The following MAST4 variants were observed in gnomAD, a reference collection of about 807,000 sequenced individuals.
MAST4 encodes the protein microtubule associated serine/threonine kinase family member 4.
In MAST4, 89 loss-of-function variants were observed where a neutral mutation model predicts 162.7. That is an observed-to-expected ratio of 0.55 (90% CI 0.46 to 0.65). The LOEUF (loss-of-function observed/expected upper bound fraction) is 0.65, where lower values mean the gene tolerates loss of function less well. MAST4 is among the 30% of genes least tolerant of loss of function. The pLI is 0.00. For missense variants in MAST4, 3,153 were observed against 3,374.0 expected (o/e 0.93, Z 1.62); for synonymous variants, 1,479 against 1,361.1 (o/e 1.09, Z -1.91).
At chr5:66,657,010 C>T (rs183576087) in intron 1 of MAST4, among the ~76,000 whole-genome samples, 1 of 152,276 alleles carries the variant, frequency 6.6e-6, no homozygotes, top group East Asian at 1.9e-4. Context: ...TCTCTCTCTC[C>T]TTTATCTATT....
chr5:66,818,816 T>G (rs1006712903), intron 3 of MAST4, among the ~76,000 whole-genome samples: 6 of 152,342 alleles, frequency 3.9e-5, no homozygotes, highest in South Asian at 2.1e-4. Context: ...ATACAAAGCC[T>G]GAATTCTCTT....
intron 3 of MAST4, among the ~76,000 whole-genome samples, chr5:66,829,985 G>A (rs1262548110): frequency 1.3e-5 from 2 of 152,136 alleles, no homozygotes; most frequent in African/African-American, 2.4e-5. Flanking sequence ...TGTGGTCATT[G>A]TTTTTGAATG....
At position 67,168,693 on chromosome 5, in the gene MAST4, T is replaced by C. The variant is rs1774308957; in HGVS notation, c.*1642T>C. ...AAAAAAATTACCAATAAATAACTGA[T>C]CTAGCACCCAAACTCTCTTGGGGGA... On this transcript the variant is annotated 3_prime_UTR_variant, in exon 29 of 29. Transcript: ENST00000403625. 1 of 152,176 alleles carries C rather than the reference T, an allele frequency of 6.6e-6. No individual in the cohort carries two copies. Among genetic ancestry groups the C allele is most frequent in the Non-Finnish European group, 1.5e-5 (1 of 68,032 alleles). 9.4% of individuals were successfully genotyped at this position (152,176 alleles called of 1,614,324 possible).
intron 4 of MAST4, among the ~76,000 whole-genome samples, chr5:66,911,924 TG>T (rs1763804107): frequency 6.6e-6 from 1 of 152,184 alleles, no homozygotes; most frequent in African/African-American, 2.4e-5. Flanking sequence ...TAGAGATAAG[TG>T]GGATTAACCT....
chr5:67,086,021 G>A (rs1763193400), intron 5 of MAST4, among the ~76,000 whole-genome samples: 1 of 152,158 alleles, frequency 6.6e-6, no homozygotes, highest in Admixed American at 6.5e-5. Flanking sequence ...TTTTTAAGCA[G>A]TGTCCATTTG....
intron 4 of MAST4, chr5:67,005,220 A>G (rs1751866149): frequency 3.0e-6 from 2 of 659,464 alleles, no homozygotes; most frequent in Admixed American, 4.8e-5. Context: ...ATGCCCCGCT[A>G]GGGGAGGGGG....
chr5:66,688,528 C>T (rs1331639980), intron 1 of MAST4, among the ~76,000 whole-genome samples: 1 of 152,128 alleles, frequency 6.6e-6, no homozygotes, highest in East Asian at 1.9e-4. Flanking sequence ...GGGACCCTGA[C>T]CTATGTTGAG....
intron 4 of MAST4, among the ~76,000 whole-genome samples, chr5:67,049,232 AAT>A (rs764141175): frequency 6.6e-6 from 1 of 151,568 alleles, no homozygotes; most frequent in South Asian, 2.1e-4. Flanking sequence ...ATTGGAAACA[AAT>A]AGCACAAATG....
At chr5:66,679,583 C>T (rs141709499) in intron 1 of MAST4, among the ~76,000 whole-genome samples, 1 of 152,240 alleles carries the variant, frequency 6.6e-6, no homozygotes, top group African/African-American at 2.4e-5. Context: ...TCTCACCTCT[C>T]TTGCTTCCCC....
rs1773760621 is a variant in MAST4, at chr5:67,165,380, C to G, written c.6201C>G (p.Pro2067=). The change falls in exon 29 of 29, where the codon CCC becomes CCG. Residue 2067 remains proline, a synonymous_variant. Transcript: ENST00000403625. ...CCTCTCTGCACTCAGCTGGAATTCC[C>G]TGTGAGAAGGAGCTGGGCAAGGTGA... The part of the protein sequence containing the change: ...DNSSLHSAGI[P]CEKELGKVRR... The G allele has an allele frequency of 6.2e-7, 1 of 1,613,640 alleles. No individual in the cohort carries two copies. The highest frequency in any genetic ancestry group is 8.5e-7 in the Non-Finnish European group (1 of 1,179,844).
At chr5:67,114,001 A>T in intron 11 of MAST4, 86 bp from the exon 12 acceptor site, 1 of 1,466,424 alleles carries the variant, frequency 6.8e-7, no homozygotes, top group East Asian at 2.3e-5. Flanking sequence ...TATACCCAGC[A>T]GTTATATTGT....
At chr5:66,983,554 A>G (rs529677913) in intron 4 of MAST4, among the ~76,000 whole-genome samples, 4 of 152,248 alleles carry the variant, frequency 2.6e-5, no homozygotes, top group South Asian at 4.2e-4. Flanking sequence ...CAGTTTCCTC[A>G]TCTGTATATT....
At chr5:66,616,193 A>G (rs942365654) in intron 1 of MAST4, among the ~76,000 whole-genome samples, 1 of 152,214 alleles carries the variant, frequency 6.6e-6, no homozygotes, top group Non-Finnish European at 1.5e-5. Context: ...GAAGAACTCT[A>G]GGAAAGAGGT....
chr5:66,809,192 G>T (rs1756354587), intron 3 of MAST4, among the ~76,000 whole-genome samples: 1 of 152,180 alleles, frequency 6.6e-6, no homozygotes, highest in Admixed American at 6.5e-5. Flanking sequence ...TCAGACAGTT[G>T]GCTTTGGACT....
At chr5:66,842,669 G>A (rs1403099722) in intron 3 of MAST4, among the ~76,000 whole-genome samples, 1 of 152,132 alleles carries the variant, frequency 6.6e-6, no homozygotes, top group Non-Finnish European at 1.5e-5. Context: ...ACTTCTGGGT[G>A]CCACTCTCTC....
At chr5:66,995,839 A>G (rs1009127080) in intron 4 of MAST4, among the ~76,000 whole-genome samples, 6 of 151,402 alleles carry the variant, frequency 4.0e-5, no homozygotes, top group Non-Finnish European at 8.8e-5. Context: ...TTTCACCACT[A>G]TACTCCAGCC....
intron 4 of MAST4, among the ~76,000 whole-genome samples, chr5:67,043,647 G>A (rs1414841484): frequency 6.6e-6 from 1 of 152,064 alleles, no homozygotes; most frequent in African/African-American, 2.4e-5. Context: ...TGGTTTTTCT[G>A]CTACTTGGAA....
chr5:66,639,585 C>T (rs1745350682), intron 1 of MAST4, among the ~76,000 whole-genome samples: 2 of 152,076 alleles, frequency 1.3e-5, no homozygotes, highest in Admixed American at 6.5e-5. Flanking sequence ...CAAAAAACAG[C>T]TCCAAAATGT....
chr5:67,036,797 C>T (rs1756076488), intron 4 of MAST4, among the ~76,000 whole-genome samples: 1 of 152,126 alleles, frequency 6.6e-6, no homozygotes, highest in Non-Finnish European at 1.5e-5. Context: ...CTCACGGATA[C>T]AGAGACTGAT....
Sources: gnomAD v4.1 joint callset for allele counts (sites outside exome capture counted in the v4.1 genomes callset) on GRCh38, gnomAD v4.1.1 for gene constraint, MANE v1.5 for transcripts, NCBI Gene and HGNC (gene_info 2026-07-23, HGNC 2026-07-21) for gene names.